The following ZHX2 variants were observed in gnomAD, a reference collection of about 807,000 sequenced individuals.
ZHX2 encodes zinc fingers and homeoboxes 2, also known as zinc fingers and homeoboxes protein 2.
Under a neutral mutation model 21.9 loss-of-function variants are expected in ZHX2, and 6 were observed. That is an observed-to-expected ratio of 0.27 (90% CI 0.15 to 0.54). The LOEUF (loss-of-function observed/expected upper bound fraction) is 0.54, where lower values mean the gene tolerates loss of function less well. Among genes scored for constraint, ZHX2 ranks in the 20% least tolerant of loss-of-function variants. The pLI, the probability that ZHX2 is intolerant of heterozygous loss-of-function variation, is 0.95. For synonymous variants in ZHX2, 434 were observed against 437.1 expected, an observed-to-expected ratio of 0.99 and a Z score of 0.09; for missense variants, 908 against 1,090.7, an observed-to-expected ratio of 0.83 and a Z score of 2.36.
At position 122,867,900 on chromosome 8, in the gene ZHX2, C is replaced by A. The variant is rs1819337035; in HGVS notation, c.-220+4361C>A. Among the ~76,000 whole-genome samples, 3 of 152,182 alleles carry A rather than the reference C, an allele frequency of 2.0e-5. No homozygotes were observed. In the South Asian group the frequency reaches 6.2e-4, roughly 32 times the overall value. On this transcript the variant is annotated intron_variant, in intron 2 of 3. Coordinates refer to ENST00000314393, the MANE Select transcript of ZHX2 (RefSeq NM_014943.5). The stretch of plus-strand genomic sequence containing the variant: ...ACAGATAGATTTTTTAAAATAGCAT[C>A]ATACTTTTCAAATGACTCCTGTTAG...
chr8:122,943,279 A>G (rs1433972888), intron 2 of ZHX2, among the ~76,000 whole-genome samples: 1 of 152,066 alleles, frequency 6.6e-6, no homozygotes, highest in East Asian at 1.9e-4. Context: ...AAATAAAAAT[A>G]AAAAATAAAA....
At chr8:122,864,618 AG>A (rs1449346851) in intron 2 of ZHX2, among the ~76,000 whole-genome samples, 1 of 152,078 alleles carries the variant, frequency 6.6e-6, no homozygotes, top group East Asian at 1.9e-4. Context: ...ATGGGGGAAC[AG>A]GTGGCAAGAC....
chr8:122,814,201 G>A (rs1183519263), intron 1 of ZHX2, among the ~76,000 whole-genome samples: 1 of 152,070 alleles, frequency 6.6e-6, no homozygotes, highest in Non-Finnish European at 1.5e-5. Context: ...AGCTTCCTGG[G>A]GTATCTACTT....
intron 1 of ZHX2, among the ~76,000 whole-genome samples, chr8:122,852,640 C>T (rs961682035): frequency 5.9e-5 from 9 of 151,990 alleles, no homozygotes; most frequent in African/African-American, 1.9e-4. Context: ...TAGTTTCCAG[C>T]TCGAAAAAAT....
chr8:122,790,642 C>A (rs1817495016), intron 1 of ZHX2, among the ~76,000 whole-genome samples: 1 of 152,180 alleles, frequency 6.6e-6, no homozygotes. Context: ...GAGTCTCACT[C>A]TGTTGCCCAG....
chr8:122,853,484 G>A (rs575610263), intron 1 of ZHX2, among the ~76,000 whole-genome samples: 5 of 152,162 alleles, frequency 3.3e-5, no homozygotes, highest in African/African-American at 1.2e-4. Context: ...TGGAACTCCC[G>A]GTCATGTAAG....
intron 2 of ZHX2, among the ~76,000 whole-genome samples, chr8:122,891,917 G>A (rs566786976): frequency 5.9e-5 from 9 of 152,314 alleles, no homozygotes; most frequent in South Asian, 2.1e-4. Flanking sequence ...GAAATGTTCC[G>A]TAAATGTCCG....
chr8:122,950,210 G>T (rs371429069), intron 2 of ZHX2, among the ~76,000 whole-genome samples: 2 of 152,076 alleles, frequency 1.3e-5, no homozygotes, highest in Non-Finnish European at 1.5e-5. Context: ...AGCCAAAAAC[G>T]AAATAAATTT....
At chr8:122,806,123 A>G (rs541230409) in intron 1 of ZHX2, among the ~76,000 whole-genome samples, 1 of 152,216 alleles carries the variant, frequency 6.6e-6, no homozygotes, top group African/African-American at 2.4e-5. Flanking sequence ...CTTTTTACTT[A>G]CCTGCAAGCT....
At chr8:122,835,915 C>G (rs758383942) in intron 1 of ZHX2, among the ~76,000 whole-genome samples, 4 of 152,012 alleles carry the variant, frequency 2.6e-5, no homozygotes, top group African/African-American at 7.3e-5. Flanking sequence ...GACTGAATTG[C>G]GAAAAAGACA....
chr8:122,915,632 TA>T (rs1292622522), intron 2 of ZHX2, among the ~76,000 whole-genome samples: 6 of 152,210 alleles, frequency 3.9e-5, no homozygotes. Flanking sequence ...TATGGGTGAT[TA>T]ATAGGACCAC....
intron 1 of ZHX2, among the ~76,000 whole-genome samples, chr8:122,842,829 A>G (rs1818668967): frequency 2.0e-5 from 3 of 152,210 alleles, no homozygotes. Flanking sequence ...GATCAGCCAG[A>G]TTTGGCAGTC....
At chr8:122,972,970 C>T (rs1379717265) in intron 3 of ZHX2, among the ~76,000 whole-genome samples, 4 of 152,184 alleles carry the variant, frequency 2.6e-5, no homozygotes, top group Non-Finnish European at 4.4e-5. Flanking sequence ...AGGCCACCAC[C>T]TTCACTTGCC....
At chr8:122,948,980 A>T (rs1002856090) in intron 2 of ZHX2, among the ~76,000 whole-genome samples, 10 of 152,256 alleles carry the variant, frequency 6.6e-5, no homozygotes, top group Non-Finnish European at 1.2e-4. Context: ...GCTAAAAATT[A>T]AAATTTCTAC....
At chr8:122,831,547 T>G (rs1266782898) in intron 1 of ZHX2, among the ~76,000 whole-genome samples, 3 of 152,168 alleles carry the variant, frequency 2.0e-5, no homozygotes, top group Non-Finnish European at 4.4e-5. Context: ...CCTTTTCTTC[T>G]GAGGAGTAAA....
rs568544238 is a variant in ZHX2, at chr8:122,930,997, C to T, written c.-219-20295C>T. ...ATGGGAGGCCTCCCTGGCCTGAGGGCTGTTCCAGGTCCAGATAGGGCACGT... is the reference window on the plus strand; with the variant it reads ...ATGGGAGGCCTCCCTGGCCTGAGGGTTGTTCCAGGTCCAGATAGGGCACGT... On this transcript the variant is annotated intron_variant, in intron 2 of 3. Transcript: ENST00000314393. Among the ~76,000 whole-genome samples the T allele has an allele frequency of 8.5e-5, 13 of 152,148 alleles. No homozygotes were observed. In the East Asian group the frequency reaches 2.5e-3, roughly 29 times the overall value.
At chr8:122,965,865 T>C (rs192173376) in intron 3 of ZHX2, among the ~76,000 whole-genome samples, 176 of 152,314 alleles carry the variant, frequency 1.2e-3, no homozygotes, top group South Asian at 0.011. Context: ...GATTGTAATA[T>C]TTTTGTATTG....
intron 2 of ZHX2, among the ~76,000 whole-genome samples, chr8:122,946,807 C>G (rs187266349): frequency 6.6e-6 from 1 of 152,102 alleles, no homozygotes; most frequent in African/African-American, 2.4e-5. Context: ...TGTAGAGTCT[C>G]CCTTCCCTTA....
chr8:122,911,548 A>G (rs993099557), intron 2 of ZHX2, among the ~76,000 whole-genome samples: 7 of 152,194 alleles, frequency 4.6e-5, no homozygotes, highest in Non-Finnish European at 7.3e-5. Context: ...GAGTGGAAGC[A>G]TAAAGGGAAG....
Sources: gnomAD v4.1 joint callset for allele counts (sites outside exome capture counted in the v4.1 genomes callset) on GRCh38, gnomAD v4.1.1 for gene constraint, MANE v1.5 for transcripts, NCBI Gene and HGNC (gene_info 2026-07-23, HGNC 2026-07-21) for gene names.